The following CADM2 variants were observed in gnomAD, a reference collection of about 807,000 sequenced individuals.
CADM2 encodes the protein cell adhesion molecule 2, also known as immunoglobulin superfamily member 4D.
Under a neutral mutation model 49.8 loss-of-function variants are expected in CADM2, and 12 were observed. The ratio of observed to expected loss-of-function variants is 0.24; its 90% CI spans 0.15 to 0.39. The LOEUF (loss-of-function observed/expected upper bound fraction) is 0.39. Ranked by LOEUF, CADM2 falls within the 10% of genes least tolerant of loss-of-function variation. The pLI, the probability that CADM2 is intolerant of heterozygous loss-of-function variation, is 1.00. For missense variants in CADM2, 378 were observed against 492.3 expected, an observed-to-expected ratio of 0.77 and a Z score of 2.20; for synonymous variants, 214 against 175.4, an observed-to-expected ratio of 1.22 and a Z score of -1.74.
intron 1 of CADM2, among the ~76,000 whole-genome samples, chr3:85,140,855 TA>T (rs1178699875): frequency 1.3e-5 from 2 of 152,178 alleles, no homozygotes; most frequent in Non-Finnish European, 1.5e-5. Context: ...TGCTTTTAAT[TA>T]GCTGATTATA....
At chr3:85,722,097 G>C (rs12714636) in intron 1 of CADM2, among the ~76,000 whole-genome samples, 38 of 151,952 alleles carry the variant, frequency 2.5e-4, no homozygotes, top group South Asian at 1.7e-3. Flanking sequence ...CCTGACCTCC[G>C]CAGCTCTCAG....
chr3:85,032,763 A>C (rs1372964375), intron 1 of CADM2, among the ~76,000 whole-genome samples: 3 of 152,144 alleles, frequency 2.0e-5, no homozygotes, highest in Non-Finnish European at 2.9e-5. Flanking sequence ...TTTTTCACAT[A>C]CTATACGAGC....
chr3:85,041,334 A>C (rs1257133172), intron 1 of CADM2, among the ~76,000 whole-genome samples: 2 of 152,156 alleles, frequency 1.3e-5, no homozygotes, highest in Non-Finnish European at 2.9e-5. Context: ...GATTTTTAAA[A>C]AATTCGCACA....
chr3:86,063,202 C>T (rs949991628), intron 8 of CADM2, among the ~76,000 whole-genome samples: 9 of 152,116 alleles, frequency 5.9e-5, no homozygotes, highest in African/African-American at 2.2e-4. Flanking sequence ...CGCAGATATG[C>T]ACAATTCTCT....
chr3:85,358,304 G>T (rs908959713), intron 1 of CADM2, among the ~76,000 whole-genome samples: 1 of 151,868 alleles, frequency 6.6e-6, no homozygotes, highest in Non-Finnish European at 1.5e-5. Flanking sequence ...TCTGAGCATT[G>T]CTTTCTAGAA....
At chr3:85,544,245 G>A (rs2061611785) in intron 1 of CADM2, among the ~76,000 whole-genome samples, 2 of 152,106 alleles carry the variant, frequency 1.3e-5, no homozygotes, top group African/African-American at 2.4e-5. Flanking sequence ...AAGGCTGAAG[G>A]AGGCCCATTG....
At chr3:85,282,250 G>A (rs934204027) in intron 1 of CADM2, among the ~76,000 whole-genome samples, 1 of 128,624 alleles carries the variant, frequency 7.8e-6, no homozygotes, top group African/African-American at 3.0e-5. Flanking sequence ...TGGTTTGGGG[G>A]CTTTTTTTTT....
At chr3:85,349,059 C>A (rs953862503) in intron 1 of CADM2, among the ~76,000 whole-genome samples, 5 of 152,052 alleles carry the variant, frequency 3.3e-5, no homozygotes. Context: ...TTCAGAGTTT[C>A]CCTGTATGGC....
intron 1 of CADM2, among the ~76,000 whole-genome samples, chr3:85,011,964 T>G (rs2034015676): frequency 6.6e-6 from 1 of 152,070 alleles, no homozygotes. Context: ...ATATTTAGAA[T>G]ATAGTTAAGT....
chr3:85,887,627 A>G (rs532810085), intron 5 of CADM2, among the ~76,000 whole-genome samples: 1 of 152,244 alleles, frequency 6.6e-6, no homozygotes, highest in South Asian at 2.1e-4. Flanking sequence ...TCTAATAAAT[A>G]TACATTATTG....
chr3:85,512,721 T>C (rs1278090318), intron 1 of CADM2, among the ~76,000 whole-genome samples: 1 of 152,032 alleles, frequency 6.6e-6, no homozygotes, highest in Non-Finnish European at 1.5e-5. Flanking sequence ...AGATACTTCA[T>C]ATACACATTG....
At chr3:85,136,079 T>C (rs2039407672) in intron 1 of CADM2, among the ~76,000 whole-genome samples, 1 of 152,050 alleles carries the variant, frequency 6.6e-6, no homozygotes, top group Admixed American at 6.6e-5. Context: ...AACAGACTTC[T>C]AGAAGTAGGC....
At chr3:85,527,023 A>G (rs2061174412) in intron 1 of CADM2, among the ~76,000 whole-genome samples, 1 of 152,158 alleles carries the variant, frequency 6.6e-6, no homozygotes, top group South Asian at 2.1e-4. Context: ...TTTTAGAAAT[A>G]TGGACAAAAT....
At chr3:85,719,650 AAAG>A (rs1368996533) in intron 1 of CADM2, among the ~76,000 whole-genome samples, 1 of 151,446 alleles carries the variant, frequency 6.6e-6, no homozygotes, top group Non-Finnish European at 1.5e-5. Flanking sequence ...ATTAGGCTGA[AAAG>A]GAGGAGGAAA....
At chr3:85,152,971 A>T (rs1051450546) in intron 1 of CADM2, among the ~76,000 whole-genome samples, 10 of 151,632 alleles carry the variant, frequency 6.6e-5, no homozygotes, top group Non-Finnish European at 1.5e-4. Context: ...CTCAAAAAAA[A>T]AAAAAAATGT....
At chr3:85,369,919 C>T (rs1003857469) in intron 1 of CADM2, among the ~76,000 whole-genome samples, 1 of 151,486 alleles carries the variant, frequency 6.6e-6, no homozygotes, top group South Asian at 2.1e-4. Context: ...TAAATGAACC[C>T]AAATATGTTT....
At chr3:85,668,916 G>T (rs1231353463) in intron 1 of CADM2, among the ~76,000 whole-genome samples, 1 of 152,056 alleles carries the variant, frequency 6.6e-6, no homozygotes, top group Admixed American at 6.6e-5. Flanking sequence ...TCTCCAGGAA[G>T]AAATGAATAT....
At chr3:85,131,131 A>G (rs1250731926) in intron 1 of CADM2, among the ~76,000 whole-genome samples, 1 of 152,178 alleles carries the variant, frequency 6.6e-6, no homozygotes, top group Non-Finnish European at 1.5e-5. Flanking sequence ...GCGAGCCAAG[A>G]TCGTGCCATT....
chr3:85,113,750 T>C (rs1375768833), intron 1 of CADM2, among the ~76,000 whole-genome samples: 3 of 151,266 alleles, frequency 2.0e-5, no homozygotes, highest in African/African-American at 4.9e-5. Context: ...ACCTGTCTTG[T>C]TCCAGTACAT....
Sources: allele counts gnomAD v4.1 joint callset (sites outside exome capture counted in the v4.1 genomes callset), GRCh38; gene constraint gnomAD v4.1.1; transcripts MANE v1.5; gene names NCBI Gene and HGNC (gene_info 2026-07-23, HGNC 2026-07-21).